KLHDC4: variants seen among roughly 807,000 people sequenced by gnomAD.
KLHDC4 encodes the protein kelch domain containing 4.
Under a neutral mutation model 62.4 loss-of-function variants are expected in KLHDC4, and 90 were observed. The observed-to-expected ratio is 1.44, with a 90% CI of 1.22 to 1.72. The LOEUF (loss-of-function observed/expected upper bound fraction) is 1.72, where lower values mean the gene tolerates loss of function less well. Among genes scored for constraint, KLHDC4 ranks in the 40% most tolerant of loss-of-function variants. KLHDC4 has a pLI of 0.00. For synonymous variants in KLHDC4, 386 were observed against 284.4 expected (o/e 1.36, Z -3.59); for missense variants, 1,025 against 699.7 (o/e 1.47, Z -5.25).
intron 7 of KLHDC4, among the ~76,000 whole-genome samples, chr16:87,725,346 T>C (rs1329905883): frequency 6.6e-6 from 1 of 152,120 alleles, no homozygotes; most frequent in Non-Finnish European, 1.5e-5. Flanking sequence ...TTTGTATTTT[T>C]AGTAGAGACG....
downstream of KLHDC4, among the ~76,000 whole-genome samples, chr16:87,704,037 C>T (rs1290564539): frequency 3.9e-5 from 6 of 152,346 alleles, no homozygotes; most frequent in East Asian, 1.9e-4. Flanking sequence ...AGGCTGAGGC[C>T]GTGATCACAG....
intron 10 of KLHDC4, 59 bp from the exon 11 acceptor site, chr16:87,708,525 C>A: frequency 7.5e-7 from 1 of 1,337,608 alleles, no homozygotes; most frequent in South Asian, 1.5e-5. Context: ...GTGGGGGAGG[C>A]TGCGGGACGG....
Position 87,708,352 on chromosome 16 carries a change from C to G in KLHDC4, c.1562G>C (p.Ter521SerextTer24), listed in dbSNP as rs913608652. Residue 521 changes from the stop codon to serine, a stop_lost and splice_region_variant, in exon 11 of 12, where the codon TGA becomes TCA. Coordinates refer to ENST00000270583, the MANE Select transcript of KLHDC4 (RefSeq NM_017566.4). ...CCCGCCAGCCCGAGCCCGCTCACCT[C>G]AGTCCTCCGCACCGCTCTCCTCTCC... is the stretch of plus-strand genomic sequence containing the variant. ...DSGEESGAED* is the reference protein window; with the variant it reads ...DSGEESGAEDS 8.8e-6 allele frequency: 14 copies of G among 1,589,786 alleles called. No homozygotes were observed. The highest frequency in any genetic ancestry group is 1.1e-5 in the Non-Finnish European group (13 of 1,166,848).
rs1397816861 is a variant in KLHDC4 at position 87,711,318 on chromosome 16, C to G, written c.961G>C (p.Glu321Gln). The stretch of plus-strand genomic sequence containing the variant: ...AAGAACTCGCCCGACAGGCTCTCCT[C>G]CTCTTCCTCGTCACAGACACCCCCG... ...FFGGVCDEEE[E>Q]ESLSGEFFND... The change falls in exon 9 of 12, where the codon GAG becomes CAG. Residue 321 changes from glutamate to glutamine, a missense_variant. Coordinates refer to ENST00000270583, the MANE Select transcript of KLHDC4 (RefSeq NM_017566.4). The G allele has an allele frequency of 6.2e-7, 1 of 1,614,006 alleles. No homozygotes were observed. Among genetic ancestry groups the G allele is most frequent in the Admixed American group, 1.7e-5 (1 of 60,008 alleles).
chr16:87,708,072 T>C lies in KLHDC4; in HGVS notation c.*5A>G. ...CTTGCCAGGCGCCCCTGGCAGGGGC[T>C]CTTCTGATACGCAAGGAGGAAGGAA... On this transcript the variant is annotated 3_prime_UTR_variant, in exon 12 of 12. Coordinates refer to ENST00000270583, the MANE Select transcript of KLHDC4 (RefSeq NM_017566.4). 1 of 574,382 alleles carries C rather than the reference T, an allele frequency of 1.7e-6. No homozygotes were observed. The highest frequency in any genetic ancestry group is 4.0e-5 in the East Asian group (1 of 25,142). 35.6% of individuals were successfully genotyped at this position (574,382 alleles called of 1,614,324 possible). A position where few individuals can be genotyped will look rare whatever the true frequency, so the allele number is the denominator to read the frequency against.
At chr16:87,762,955 C>T (rs140996322) in intron 1 of KLHDC4, among the ~76,000 whole-genome samples, 4 of 152,290 alleles carry the variant, frequency 2.6e-5, no homozygotes, top group South Asian at 2.1e-4. Flanking sequence ...GATACACCAG[C>T]GTCCTCTCCG....
chr16:87,748,564 C>T (rs2043398737), intron 5 of KLHDC4, 109 bp downstream of exon 5: 3 of 1,409,880 alleles, frequency 2.1e-6, no homozygotes, highest in Non-Finnish European at 1.9e-6. Flanking sequence ...GACTGTGACC[C>T]AAGTTCCTCT....
In KLHDC4 at chr16:87,730,582, A is replaced by T; in HGVS notation, c.569T>A (p.Ile190Asn). The T allele has an allele frequency of 6.2e-7, 1 of 1,613,046 alleles. No homozygotes were observed. The highest frequency in any genetic ancestry group is 8.5e-7 in the Non-Finnish European group (1 of 1,179,790). The change falls in exon 6 of 12, where the codon ATC (isoleucine) becomes AAC (asparagine). Residue 190 changes from isoleucine (I) to asparagine (N), a missense_variant. Physicochemically the swap from Ile to Asn is moderately radical, Grantham distance 149. Coordinates refer to ENST00000270583, the MANE Select transcript of KLHDC4 (RefSeq NM_017566.4). ...HRMVAWKRQL[I>N]LFGGFHESTR... Reference sequence around the variant, plus strand: ...ACTTTCATGGAAGCCACCAAACAGGATCAATTGTCTCTTCCAGGCCACCAT... The same window carrying T: ...ACTTTCATGGAAGCCACCAAACAGGTTCAATTGTCTCTTCCAGGCCACCAT...
intron 4 of KLHDC4, among the ~76,000 whole-genome samples, chr16:87,754,947 C>T (rs540346945): frequency 9.2e-5 from 14 of 152,292 alleles, no homozygotes; most frequent in East Asian, 7.7e-4. Context: ...ACACCAGGAA[C>T]GACACGAGCT....
chr16:87,756,810 G>T (rs1424822616), intron 2 of KLHDC4, among the ~76,000 whole-genome samples: 3 of 150,804 alleles, frequency 2.0e-5, no homozygotes, highest in Non-Finnish European at 4.4e-5. Flanking sequence ...CTGTTTTTTT[G>T]ATTTGTTTTT....
At chr16:87,765,650 G>C in intron 1 of KLHDC4, 142 bp downstream of exon 1, 2 of 735,138 alleles carry the variant, frequency 2.7e-6, no homozygotes, top group Non-Finnish European at 4.3e-6. Context: ...ACGCGGCGCC[G>C]GGGCAGTTCC....
At chr16:87,745,313 T>A (rs1375108896) in intron 5 of KLHDC4, among the ~76,000 whole-genome samples, 1 of 151,258 alleles carries the variant, frequency 6.6e-6, no homozygotes, top group East Asian at 1.9e-4. Flanking sequence ...CACCTCTTGG[T>A]GCCTCTGCCC....
At chr16:87,758,610 C>T (rs1056424760) in intron 2 of KLHDC4, among the ~76,000 whole-genome samples, 5 of 152,004 alleles carry the variant, frequency 3.3e-5, no homozygotes, top group African/African-American at 1.2e-4. Flanking sequence ...CTTCCCTGGG[C>T]TACAATGGAA....
In KLHDC4 at chr16:87,753,289, G is replaced by C. The variant is rs138889665; in HGVS notation, c.369+1905C>G. On this transcript the variant is annotated intron_variant, in intron 4 of 11. Transcript: ENST00000270583. ...AGACAAAAGCATCTTCTGATGCTGA[G>C]AACTATCAGAGCTTACACAGGGCTT... Among the ~76,000 whole-genome samples, 341 of 152,332 alleles carry C rather than the reference G, an allele frequency of 2.2e-3. 2 individuals are homozygous for C. Among genetic ancestry groups the C allele is most frequent in the Non-Finnish European group, 4.4e-3 (302 of 68,038 alleles).
Position 87,720,448 on chromosome 16 carries a change from G to C in KLHDC4, c.760-5875C>G, listed in dbSNP as rs148490189. Among the ~76,000 whole-genome samples, 3 of 152,294 alleles carry C rather than the reference G, an allele frequency of 2.0e-5. No homozygotes were observed. In the East Asian group the frequency reaches 5.8e-4, roughly 29 times the overall value. On this transcript the variant is annotated intron_variant, in intron 7 of 11. Transcript: ENST00000270583. ...ACCACCTTTGCCAGACGCAGGTCCA[G>C]CAACCCATCAAGAGCACAGCTCGGG...
intron 4 of KLHDC4, among the ~76,000 whole-genome samples, chr16:87,749,573 A>G (rs1007945161): frequency 2.0e-5 from 3 of 150,478 alleles, no homozygotes; most frequent in African/African-American, 7.3e-5. Context: ...AAAAAAAAAG[A>G]AAGAAAGTGT....
intron 7 of KLHDC4, among the ~76,000 whole-genome samples, chr16:87,723,678 G>C (rs4843682): frequency 0.057 from 8,733 of 152,308 alleles, 321 homozygotes; most frequent in South Asian, 0.16. Flanking sequence ...CGATCAACTC[G>C]GTACAATCTC....
downstream of KLHDC4, chr16:87,703,570 T>G (rs1344974612): frequency 6.6e-6 from 1 of 152,288 alleles, no homozygotes; most frequent in East Asian, 1.9e-4. Flanking sequence ...TTACTCAATT[T>G]CTTCCCAGCC....
downstream of KLHDC4, among the ~76,000 whole-genome samples, chr16:87,705,062 G>C (rs1020032031): frequency 6.6e-6 from 1 of 152,182 alleles, no homozygotes; most frequent in African/African-American, 2.4e-5. Context: ...CTGCAGTCAG[G>C]GGTCTGGGGG....
Sources: gnomAD v4.1 joint callset for allele counts (sites outside exome capture counted in the v4.1 genomes callset) on GRCh38, gnomAD v4.1.1 for gene constraint, MANE v1.5 for transcripts, NCBI Gene and HGNC (gene_info 2026-07-23, HGNC 2026-07-21) for gene names.